Variants in LARGE1 observed in about 807,000 individuals in gnomAD.
The protein encoded by LARGE1 is xylosyl- and glucuronyltransferase LARGE1.
In LARGE1, 43 loss-of-function variants were observed where a neutral mutation model predicts 87.6. That is an observed-to-expected ratio of 0.49 (90% confidence interval 0.38 to 0.63). The LOEUF (loss-of-function observed/expected upper bound fraction) is 0.63, where lower values mean the gene tolerates loss of function less well. LARGE1 is among the 30% of genes least tolerant of loss of function. The probability of loss-of-function intolerance (pLI) is 0.00; values close to 1 mark genes in which losing one functional copy is unlikely to be tolerated. For synonymous variants in LARGE1, 434 were observed against 394.6 expected (o/e 1.10, Z -1.18); for missense variants, 802 against 1,000.2 (o/e 0.80, Z 2.67).
chr22:33,569,410 C>G lies in LARGE1; in HGVS notation c.616-4391G>C, dbSNP rs540718194. Among the ~76,000 whole-genome samples the G allele has an allele frequency of 1.8e-4, 27 of 152,232 alleles. No homozygotes were observed. The South Asian group carries it at 5.0e-3, about 28-fold the overall frequency. Reference sequence around the variant, plus strand: ...GGAATAAATTAATCTCAACATGAGCCCAGTCCTGAATGTCACTCCAAGTCC... The same window carrying G: ...GGAATAAATTAATCTCAACATGAGCGCAGTCCTGAATGTCACTCCAAGTCC... On this transcript the variant is annotated intron_variant, in intron 5 of 14. Coordinates refer to ENST00000397394, the MANE Select transcript of LARGE1 (RefSeq NM_133642.5).
At chr22:33,543,105 C>A (rs59814540) in intron 6 of LARGE1, among the ~76,000 whole-genome samples, 4,585 of 152,182 alleles carry the variant, frequency 0.03, 151 homozygotes, top group African/African-American at 0.083. Flanking sequence ...TCTTTCGACA[C>A]ATCCCTTTCC....
At chr22:33,671,190 T>G (rs1272124560) in intron 2 of LARGE1, among the ~76,000 whole-genome samples, 1 of 152,148 alleles carries the variant, frequency 6.6e-6, no homozygotes, top group Non-Finnish European at 1.5e-5. Context: ...AAAAAAGAGT[T>G]GTCCTCTAAA....
intron 1 of LARGE1, among the ~76,000 whole-genome samples, chr22:33,770,800 C>T (rs1209979924): frequency 6.6e-6 from 1 of 152,114 alleles, no homozygotes; most frequent in Non-Finnish European, 1.5e-5. Context: ...CATACAATCC[C>T]CCACATCACA....
At chr22:33,337,498 C>T (rs925726817) in intron 10 of LARGE1, 148 bp downstream of exon 10, 17 of 871,116 alleles carry the variant, frequency 2.0e-5, no homozygotes, top group Non-Finnish European at 2.9e-5. Flanking sequence ...ACCTCTCTCC[C>T]CGACTAGATG....
At position 33,831,785 on chromosome 22, in the gene LARGE1, T is replaced by C. The variant is rs113612139; in HGVS notation, c.-82-70227A>G. Reference sequence around the variant, plus strand: ...ACACACACACACACACACACACACATACACATACACAGACTTGAGCCTCCA... The same window carrying C: ...ACACACACACACACACACACACACACACACATACACAGACTTGAGCCTCCA... On this transcript the variant is annotated intron_variant, in intron 1 of 14. Coordinates refer to ENST00000397394, the MANE Select transcript of LARGE1 (RefSeq NM_133642.5). 2.5e-3 allele frequency among the ~76,000 whole-genome samples: 284 copies of C among 114,056 alleles called. 1 individual carries two copies. The highest frequency in any genetic ancestry group is 9.9e-3 in the African/African-American group (262 of 26,526). The allele number at this position is 114,056 out of a possible 152,430, so 74.8% of individuals were successfully genotyped here.
chr22:33,660,368 G>T (rs1445588674), intron 2 of LARGE1, among the ~76,000 whole-genome samples: 22 of 152,096 alleles, frequency 1.4e-4, no homozygotes, highest in Non-Finnish European at 2.9e-4. Flanking sequence ...AGATCACCAG[G>T]TGGTTTAGAA....
intron 11 of LARGE1, among the ~76,000 whole-genome samples, chr22:33,237,146 A>G (rs555387733): frequency 6.6e-6 from 1 of 152,354 alleles, no homozygotes; most frequent in African/African-American, 2.4e-5. Context: ...GATCACTGCC[A>G]TATGAACATA....
chr22:33,823,168 G>A (rs1171836196), intron 1 of LARGE1, among the ~76,000 whole-genome samples: 1 of 152,216 alleles, frequency 6.6e-6, no homozygotes, highest in Non-Finnish European at 1.5e-5. Flanking sequence ...AACAAGTCAT[G>A]ACTCAACAGT....
chr22:33,115,005 G>A, the LARGE1 span, among the ~76,000 whole-genome samples: 1 of 152,082 alleles, frequency 6.6e-6, no homozygotes, highest in Non-Finnish European at 1.5e-5. Flanking sequence ...TATGTGAAGG[G>A]TCTTGGTGTC....
At chr22:33,266,587 A>G (rs961109938) in intron 11 of LARGE1, among the ~76,000 whole-genome samples, 3 of 151,726 alleles carry the variant, frequency 2.0e-5, no homozygotes, top group African/African-American at 7.3e-5. Flanking sequence ...GGAGAATACT[A>G]CATCGTGCTT....
intron 5 of LARGE1, among the ~76,000 whole-genome samples, chr22:33,581,866 AGAGT>A (rs1343271819): frequency 1.3e-5 from 2 of 151,954 alleles, no homozygotes; most frequent in Non-Finnish European, 2.9e-5. Context: ...ATGAGGAAAG[AGAGT>A]AATGAATGGA....
chr22:33,468,684 T>C (rs1034943221), intron 6 of LARGE1, among the ~76,000 whole-genome samples: 1 of 152,178 alleles, frequency 6.6e-6, no homozygotes, highest in Non-Finnish European at 1.5e-5. Flanking sequence ...CCCGTTTGTA[T>C]GGATTAGGAA....
chr22:33,852,862 AAAAAAAAAAAAAAAAAAGAAAG>A (rs1486901198), intron 1 of LARGE1, among the ~76,000 whole-genome samples: 2 of 92,768 alleles, frequency 2.2e-5, no homozygotes, highest in Admixed American at 1.5e-4. Context: ...TCTCCAAAAA[AAAAAAAAAAAAAAAAAAGAAAG>A]AAAGAAAGAA....
At chr22:33,919,461 T>C (rs2065879628) in intron 1 of LARGE1, among the ~76,000 whole-genome samples, 1 of 152,254 alleles carries the variant, frequency 6.6e-6, no homozygotes, top group South Asian at 2.1e-4. Context: ...ACATGCTGGC[T>C]GGGCTTCCCC....
chr22:33,115,653 T>C, the LARGE1 span, among the ~76,000 whole-genome samples: 1 of 151,010 alleles, frequency 6.6e-6, no homozygotes, highest in East Asian at 1.9e-4. Context: ...TCGTCTCTAC[T>C]AAAAATAAAA....
chr22:33,703,355 G>GA lies in LARGE1; in HGVS notation c.107-52688dup, dbSNP rs780406393. Among the ~76,000 whole-genome samples, 503 of 86,494 alleles carry GA rather than the reference G, an allele frequency of 5.8e-3. 1 individual carries two copies. The highest frequency in any genetic ancestry group is 0.02 in the Middle Eastern group (3 of 150). The allele number at this position is 86,494 out of a possible 152,430, so 56.7% of individuals were successfully genotyped here. A position where few individuals can be genotyped will look rare whatever the true frequency, so the allele number is the denominator to read the frequency against. On this transcript the variant is annotated intron_variant, in intron 2 of 14. Coordinates refer to ENST00000397394, the MANE Select transcript of LARGE1 (RefSeq NM_133642.5). ...GGACATGTATCCCAGAGCCTAAAGT[G>GA]AAAAAAAAAAAAAAAATAAAATAAA...
intron 6 of LARGE1, among the ~76,000 whole-genome samples, chr22:33,445,068 G>A (rs2067633298): frequency 6.6e-6 from 1 of 152,142 alleles, no homozygotes; most frequent in Admixed American, 6.5e-5. Context: ...GACCTCAGGT[G>A]ATCCGCCCGC....
intron 2 of LARGE1, among the ~76,000 whole-genome samples, chr22:33,708,133 A>AAGC (rs2082616673): frequency 6.6e-6 from 1 of 152,152 alleles, no homozygotes; most frequent in Non-Finnish European, 1.5e-5. Context: ...AGGACTAAGA[A>AAGC]AGCACCTATC....
intron 2 of LARGE1, among the ~76,000 whole-genome samples, chr22:33,726,993 T>A (rs2267276): frequency 0.045 from 6,869 of 152,140 alleles, 260 homozygotes; most frequent in East Asian, 0.22. Flanking sequence ...TGAGATGAGA[T>A]GTGAGTAGAT....
Sources: allele counts gnomAD v4.1 joint callset (sites outside exome capture counted in the v4.1 genomes callset), GRCh38; gene constraint gnomAD v4.1.1; transcripts MANE v1.5; gene names NCBI Gene and HGNC (gene_info 2026-07-23, HGNC 2026-07-21).